Variants in MAP3K4 observed in about 807,000 individuals in gnomAD.
The protein encoded by MAP3K4 is mitogen-activated protein kinase kinase kinase 4, also known as MAP three kinase 1.
A neutral mutation model predicts 185.6 loss-of-function variants in MAP3K4; 67 were observed. That is an observed-to-expected ratio of 0.36 (90% CI 0.30 to 0.44). The LOEUF is 0.44. Ranked by LOEUF, MAP3K4 falls within the 20% of genes least tolerant of loss-of-function variation. The pLI is 1.00. For synonymous variants in MAP3K4, 702 were observed against 710.4 expected (o/e 0.99, Z 0.19); for missense variants, 1,551 against 1,995.1 (o/e 0.78, Z 4.24).
rs1165383653 is a variant in MAP3K4 at position 161,008,061 on chromosome 6, A to G, written c.152+15978A>G. Among the ~76,000 whole-genome samples, 2 of 152,232 alleles carry G rather than the reference A, an allele frequency of 1.3e-5. No individual in the cohort carries two copies. The highest frequency in any genetic ancestry group is 2.9e-5 in the Non-Finnish European group (2 of 68,032). On this transcript the variant is annotated intron_variant, in intron 1 of 26. Coordinates refer to ENST00000392142, the MANE Select transcript of MAP3K4 (RefSeq NM_005922.4). This position sits in a 1 kb window ranked among gnomAD's most constrained non-coding sequence, Gnocchi z 4.1. ...ATTCTGGTAAACCCATAAAGAGTAGAAAGAAGGTAGAAAGGCAGAAAGTGG... is the reference window on the plus strand; with the variant it reads ...ATTCTGGTAAACCCATAAAGAGTAGGAAGAAGGTAGAAAGGCAGAAAGTGG...
intron 2 of MAP3K4, among the ~76,000 whole-genome samples, chr6:161,046,954 ATAAT>A (rs1305953815): frequency 2.0e-5 from 3 of 147,646 alleles, no homozygotes; most frequent in Non-Finnish European, 4.5e-5. Flanking sequence ...ATTAATATAT[ATAAT>A]AAAATTCTTA....
At chr6:161,042,687 A>G (rs1305911871) in intron 2 of MAP3K4, among the ~76,000 whole-genome samples, 1 of 152,196 alleles carries the variant, frequency 6.6e-6, no homozygotes, top group Non-Finnish European at 1.5e-5. Context: ...TTTTCTTTTT[A>G]ATATAGCAGA....
In MAP3K4 at chr6:161,116,658, C is replaced by T. The variant is rs1778601299; in HGVS notation, c.4807-192C>T. Among the ~76,000 whole-genome samples the T allele has an allele frequency of 6.6e-6, 1 of 152,206 alleles. No homozygotes were observed. Among genetic ancestry groups the T allele is most frequent in the Admixed American group, 6.5e-5 (1 of 15,288 alleles). ...ATGCTTTCATTAGTCAGTTCCCAGG[C>T]TTAACTTTAGAGCAGTAACTTACCT... is the stretch of plus-strand genomic sequence containing the variant. On this transcript the variant is annotated intron_variant, in intron 26 of 26. Coordinates refer to ENST00000392142, the MANE Select transcript of MAP3K4 (RefSeq NM_005922.4). This position sits in a 1 kb window ranked among gnomAD's most constrained non-coding sequence, Gnocchi z 6.2.
intron 4 of MAP3K4, among the ~76,000 whole-genome samples, chr6:161,072,154 A>C (rs1483940378): frequency 6.6e-6 from 1 of 152,210 alleles, no homozygotes; most frequent in East Asian, 1.9e-4. Context: ...TCTGAACAGA[A>C]CACTTTTTGT....
chr6:161,027,089 C>G (rs76630604), intron 1 of MAP3K4, among the ~76,000 whole-genome samples: 92 of 152,216 alleles, frequency 6.0e-4, no homozygotes, highest in African/African-American at 2.1e-3. Flanking sequence ...AGGCAGGCCT[C>G]ATCCACTTAC....
chr6:161,089,081 C>CA (rs1376426693), intron 10 of MAP3K4, among the ~76,000 whole-genome samples: 9 of 152,124 alleles, frequency 5.9e-5, no homozygotes, highest in Admixed American at 5.9e-4. Context: ...TAGGATATCT[C>CA]AAAGATGTCA....
In MAP3K4 at chr6:161,086,499, A is replaced by G; in HGVS notation, c.2472+21A>G. On this transcript the variant is annotated intron_variant, in intron 8 of 26. Coordinates refer to ENST00000392142, the MANE Select transcript of MAP3K4 (RefSeq NM_005922.4). The surrounding 1 kb of genome is among the most constrained non-coding windows in gnomAD (Gnocchi z 4.8). ...GAAAGGTGAGCTTGCAATCCTGATT[A>G]ATTAGTACCTTTTTTCTTGTTTTTC... 3.7e-6 allele frequency: 6 copies of G among 1,604,994 alleles called. No individual in the cohort carries two copies. Among genetic ancestry groups the G allele is most frequent in the Non-Finnish European group, 5.1e-6 (6 of 1,174,342 alleles).
At chr6:161,078,315 G>T (rs1785274208) in intron 5 of MAP3K4, among the ~76,000 whole-genome samples, 1 of 152,204 alleles carries the variant, frequency 6.6e-6, no homozygotes, top group East Asian at 1.9e-4. Context: ...CCAGCTTTGG[G>T]GTCTTGACCA....
At position 161,107,826 on chromosome 6, in the gene MAP3K4, T is replaced by C; in HGVS notation, c.4049-73T>C. 2.1e-6 allele frequency: 2 copies of C among 965,046 alleles called. No individual in the cohort carries two copies. Among genetic ancestry groups the C allele is most frequent in the South Asian group, 1.4e-5 (1 of 73,778 alleles). The allele number at this position is 965,046 out of a possible 1,614,324, so 59.8% of individuals were successfully genotyped here. ...TACGTCCAAAATAATTGGACAGTAT[T>C]ATTACAAGTTTAAGGAATGTAAGAC... On this transcript the variant is annotated intron_variant, in intron 20 of 26. Coordinates refer to ENST00000392142, the MANE Select transcript of MAP3K4 (RefSeq NM_005922.4). This position sits in a 1 kb window ranked among gnomAD's most constrained non-coding sequence, Gnocchi z 6.2.
chr6:161,033,137 T>G (rs9458104), intron 1 of MAP3K4, among the ~76,000 whole-genome samples: 4,072 of 152,294 alleles, frequency 0.027, 122 homozygotes, highest in African/African-American at 0.072. Context: ...GAAATAGCTT[T>G]GATTTTATAT....
chr6:161,094,032 C>T (rs1777456856), intron 15 of MAP3K4, among the ~76,000 whole-genome samples, 181 bp downstream of exon 15: 1 of 152,224 alleles, frequency 6.6e-6, no homozygotes, highest in Non-Finnish European at 1.5e-5. Context: ...CTTTCTAAAT[C>T]TGACAGGAAG....
chr6:161,107,993 C>A lies in MAP3K4; in HGVS notation c.4119+24C>A, dbSNP rs112562654. On this transcript the variant is annotated intron_variant, in intron 21 of 26. Coordinates refer to ENST00000392142, the MANE Select transcript of MAP3K4 (RefSeq NM_005922.4). The surrounding 1 kb of genome is among the most constrained non-coding windows in gnomAD (Gnocchi z 6.2). ...AGGTGAGTCACCTGGCTCCGTGGGG[C>A]CTTTGGGCCTGGCGGCTCTGGGTGA... is the stretch of plus-strand genomic sequence containing the variant. 2.8e-4 allele frequency: 450 copies of A among 1,610,688 alleles called. 2 individuals are homozygous for A. In the African/African-American group the frequency reaches 4.9e-3, roughly 18 times the overall value.
intron 1 of MAP3K4, chr6:160,992,394 C>T (rs1780767970): frequency 6.9e-6 from 3 of 433,046 alleles, no homozygotes; most frequent in South Asian, 3.8e-5. Context: ...GCGGCTGCCT[C>T]CCCTGCCGCT....
At chr6:161,013,082 A>G (rs751406197) in intron 1 of MAP3K4, among the ~76,000 whole-genome samples, 2 of 152,212 alleles carry the variant, frequency 1.3e-5, no homozygotes, top group East Asian at 1.9e-4. Flanking sequence ...AAAGGTTTTA[A>G]TATCACAATA....
Position 161,059,436 on chromosome 6 carries a change from C to A in MAP3K4, c.1707+9457C>A, listed in dbSNP as rs1784390542. Among the ~76,000 whole-genome samples the A allele has an allele frequency of 2.0e-5, 3 of 152,162 alleles. No homozygotes were observed. The South Asian group carries it at 6.2e-4, about 31-fold the overall frequency. On this transcript the variant is annotated intron_variant, in intron 3 of 26. Coordinates refer to ENST00000392142, the MANE Select transcript of MAP3K4 (RefSeq NM_005922.4). Reference sequence around the variant, plus strand: ...ACAGGCGTGAGCCACTGGCACCCGACCTAAATCTTTCTCTTCATTTCTAGT... The same window carrying A: ...ACAGGCGTGAGCCACTGGCACCCGAACTAAATCTTTCTCTTCATTTCTAGT...
rs186322335 is a variant in MAP3K4 at position 161,092,015 on chromosome 6, T to A, written c.3141T>A (p.His1047Gln). 1.7e-5 allele frequency: 28 copies of A among 1,610,684 alleles called. No homozygotes were observed. The Admixed American group carries it at 3.8e-4, about 22-fold the overall frequency. ...IQGYNFGFEY[H>Q]KEVVRLMSGE... ...TACATGAAATCTTCTTACAGTATCA[T>A]AAAGAAGTTGTTCGTTTGATGTCTG... The change falls in exon 13 of 27, where the codon CAT becomes CAA. Residue 1047 changes from histidine to glutamine, a missense_variant. His to Gln is a conservative substitution (Grantham distance 24). This residue lies in a region of MAP3K4 where 261 missense variants were observed against 306.5 expected (regional missense o/e 0.85). Transcript: ENST00000392142.
At chr6:161,020,621 G>GCACTC (rs1309899840) in intron 1 of MAP3K4, among the ~76,000 whole-genome samples, 1 of 146,384 alleles carries the variant, frequency 6.8e-6, no homozygotes, top group Non-Finnish European at 1.5e-5. Flanking sequence ...TCGCACCACT[G>GCACTC]CACTCCAGCC....
intron 13 of MAP3K4, among the ~76,000 whole-genome samples, chr6:161,092,433 A>G (rs1777368459): frequency 6.6e-6 from 1 of 152,120 alleles, no homozygotes; most frequent in Non-Finnish European, 1.5e-5. Flanking sequence ...CATGAAATTT[A>G]TTCATTAAGA....
intron 1 of MAP3K4, among the ~76,000 whole-genome samples, chr6:161,015,886 G>A (rs1215892623): frequency 6.6e-6 from 1 of 152,124 alleles, no homozygotes; most frequent in Non-Finnish European, 1.5e-5. Context: ...TCATCATGAG[G>A]TTTGGGCGCC....
Sources: gnomAD v4.1 joint callset for allele counts (sites outside exome capture counted in the v4.1 genomes callset) on GRCh38, gnomAD v4.1.1 for gene constraint, gnomAD v4.1.1 regional missense constraint, Gnocchi (gnomAD v3.1) non-coding constraint, MANE v1.5 for transcripts, NCBI Gene and HGNC (gene_info 2026-07-23, HGNC 2026-07-21) for gene names.